The following MAP2K3 variants were observed in gnomAD, a reference collection of about 807,000 sequenced individuals.
MAP2K3 encodes mitogen-activated protein kinase kinase 3, also known as dual specificity mitogen-activated protein kinase kinase 3.
In MAP2K3, 30 loss-of-function variants were observed where a neutral mutation model predicts 46.4. The observed-to-expected ratio is 0.65, with a 90% confidence interval of 0.48 to 0.88. MAP2K3 has a LOEUF of 0.88. Among genes scored for constraint, MAP2K3 ranks in the 40% least tolerant of loss-of-function variants. MAP2K3 has a pLI of 0.00. For missense variants in MAP2K3, 380 were observed against 464.5 expected (o/e 0.82, Z 1.67); for synonymous variants, 189 against 176.3 (o/e 1.07, Z -0.57).
intron 1 of MAP2K3, among the ~76,000 whole-genome samples, chr17:21,290,159 G>T (rs1317370792): frequency 6.6e-5 from 10 of 152,384 alleles, no homozygotes; most frequent in South Asian, 2.1e-4. Context: ...GGGCAGGGCT[G>T]CGAGGGGCTG....
At chr17:21,285,055 C>A in intron 1 of MAP2K3, 86 bp downstream of exon 1, 1 of 1,515,010 alleles carries the variant, frequency 6.6e-7, no homozygotes, top group Non-Finnish European at 8.9e-7. Context: ...TTGGTCCCAC[C>A]CCATCCTGTT....
intron 8 of MAP2K3, among the ~76,000 whole-genome samples, 160 bp from the exon 9 acceptor site, chr17:21,304,891 C>A (rs28568964): frequency 4.6e-5 from 7 of 152,308 alleles, no homozygotes; most frequent in African/African-American, 7.2e-5. Flanking sequence ...AAGGGTTGGG[C>A]CTTCTAAGCA....
intron 1 of MAP2K3, 124 bp from the exon 2 acceptor site, chr17:21,298,289 G>A: frequency 7.2e-7 from 1 of 1,385,282 alleles, no homozygotes; most frequent in Non-Finnish European, 1.0e-6. Context: ...GAGAGAGGGG[G>A]CTCCCGGCAT....
chr17:21,293,445 C>T (rs1280567904), intron 1 of MAP2K3, among the ~76,000 whole-genome samples: 3 of 152,312 alleles, frequency 2.0e-5, no homozygotes, highest in Non-Finnish European at 4.4e-5. Flanking sequence ...GCGGGAGGAC[C>T]CTCTGGCAGC....
chr17:21,314,482 C>T lies in MAP2K3; in HGVS notation c.*252C>T. ...TCCCTGCTGCTCCTAGGACCCGTCT[C>T]CAGCTGCTGAGATCCTGGACTGAGG... On this transcript the variant is annotated 3_prime_UTR_variant, in exon 12 of 12. Coordinates refer to ENST00000342679, the MANE Select transcript of MAP2K3 (RefSeq NM_145109.3). 1.9e-6 allele frequency: 1 copy of T among 530,322 alleles called. No individual in the cohort carries two copies. The highest frequency in any genetic ancestry group is 3.4e-6 in the Non-Finnish European group (1 of 293,044). 32.9% of individuals were successfully genotyped at this position (530,322 alleles called of 1,614,324 possible). A position where few individuals can be genotyped will look rare whatever the true frequency, so the allele number is the denominator to read the frequency against.
chr17:21,299,438 T>C (rs1976462630), intron 3 of MAP2K3, among the ~76,000 whole-genome samples: 5 of 152,302 alleles, frequency 3.3e-5, no homozygotes, highest in Admixed American at 3.3e-4. Flanking sequence ...TCCCCACACT[T>C]TGGGAGGCCG....
In MAP2K3 at chr17:21,302,135, AC is replaced by A; in HGVS notation, c.400-5del. The A allele has an allele frequency of 1.9e-6, 3 of 1,614,080 alleles. No individual in the cohort carries two copies. Among genetic ancestry groups the A allele is most frequent in the Non-Finnish European group, 2.5e-6 (3 of 1,179,894 alleles). ...GCAGCCTGGCTGAGCTCTGGGTGTC[AC>A]CCACAGGGAGACGTGTGGATCTGCA... On this transcript the variant is annotated splice_polypyrimidine_tract_variant and splice_region_variant and intron_variant, in intron 5 of 11. Transcript: ENST00000342679.
intron 1 of MAP2K3, chr17:21,287,912 C>A: frequency 1.5e-6 from 1 of 661,958 alleles, no homozygotes; most frequent in Non-Finnish European, 2.4e-6. Context: ...CTGCTGTGGC[C>A]ACCCCCCCAA....
In MAP2K3 at chr17:21,314,256, G is replaced by T. The variant is rs1382320923; in HGVS notation, c.*26G>T. The T allele has an allele frequency of 1.9e-6, 3 of 1,582,056 alleles. No homozygotes were observed. Among genetic ancestry groups the T allele is most frequent in the Non-Finnish European group, 2.6e-6 (3 of 1,152,026 alleles). On this transcript the variant is annotated 3_prime_UTR_variant, in exon 12 of 12. Transcript: ENST00000342679. ...GGGCTGGGCCTCGGACCCCACTCCG[G>T]CCCTCCAGAGCCCCACAGCCCCATC...
intron 1 of MAP2K3, chr17:21,296,132 C>T (rs1389589012): frequency 7.8e-7 from 1 of 1,289,610 alleles, no homozygotes; most frequent in Admixed American, 2.3e-5. Flanking sequence ...CACAACAGGT[C>T]CCCATCTGCG....
At chr17:21,295,614 G>A in intron 1 of MAP2K3, 1 of 1,286,830 alleles carries the variant, frequency 7.8e-7, no homozygotes, top group Non-Finnish European at 1.0e-6. Context: ...CCCTCTGACA[G>A]CTGGGTGGCT....
chr17:21,291,673 TC>T, intron 1 of MAP2K3: 1 of 440,026 alleles, frequency 2.3e-6, no homozygotes. Context: ...GGGGCCAGAG[TC>T]CCACCGATCT....
At chr17:21,287,953 A>G in intron 1 of MAP2K3, 1 of 1,101,634 alleles carries the variant, frequency 9.1e-7, no homozygotes, top group Non-Finnish European at 1.2e-6. Flanking sequence ...TGGAGGTGGC[A>G]CCTCGGGGAC....
chr17:21,300,544 G>C lies in MAP2K3; in HGVS notation c.166-1G>C. 6.2e-7 allele frequency: 1 copy of C among 1,607,268 alleles called. No individual in the cohort carries two copies. Among genetic ancestry groups the C allele is most frequent in the Non-Finnish European group, 8.5e-7 (1 of 1,176,948 alleles). Reference sequence around the variant, plus strand: ...ACTGACTCTCTTTTCCATCCTTCAAGAACTTTGAGGTGGAGGCTGATGACT... The same window carrying C: ...ACTGACTCTCTTTTCCATCCTTCAACAACTTTGAGGTGGAGGCTGATGACT... On this transcript the variant is annotated splice_acceptor_variant, in intron 3 of 11. Transcript: ENST00000342679. LOFTEE classifies it high-confidence loss of function.
At chr17:21,296,997 G>A (rs891484843) in intron 1 of MAP2K3, among the ~76,000 whole-genome samples, 2 of 152,308 alleles carry the variant, frequency 1.3e-5, no homozygotes, top group Admixed American at 6.5e-5. Flanking sequence ...GGTGGCTTTG[G>A]TGGAAAGGCT....
chr17:21,292,126 A>G (rs975272557), intron 1 of MAP2K3, among the ~76,000 whole-genome samples: 27 of 152,416 alleles, frequency 1.8e-4, no homozygotes, highest in Non-Finnish European at 3.1e-4. Flanking sequence ...TCTGCACTGG[A>G]CAGTCTCTGG....
intron 1 of MAP2K3, among the ~76,000 whole-genome samples, chr17:21,297,748 G>A (rs116058062): frequency 8.9e-3 from 1,345 of 151,826 alleles, no homozygotes; most frequent in African/African-American, 0.031. Context: ...CTGTCCCTAG[G>A]GGTGGAGTGA....
intron 9 of MAP2K3, among the ~76,000 whole-genome samples, chr17:21,308,363 G>T (rs1977002399): frequency 6.6e-6 from 1 of 152,308 alleles, no homozygotes; most frequent in Non-Finnish European, 1.5e-5. Context: ...GGCCAGGCTG[G>T]TCTCAAACTC....
At chr17:21,303,128 C>A in intron 6 of MAP2K3, 55 bp from the exon 7 acceptor site, 2 of 1,588,008 alleles carry the variant, frequency 1.3e-6, no homozygotes, top group Admixed American at 1.7e-5. Context: ...TCGTTTTTGA[C>A]GTGACCAGGA....
Sources: gnomAD v4.1 joint callset for allele counts (sites outside exome capture counted in the v4.1 genomes callset) on GRCh38, gnomAD v4.1.1 for gene constraint, MANE v1.5 for transcripts, NCBI Gene and HGNC (gene_info 2026-07-23, HGNC 2026-07-21) for gene names.